RCAN2: variants seen among roughly 807,000 people sequenced by gnomAD.
RCAN2 encodes regulator of calcineurin 2.
Under a neutral mutation model 23.6 loss-of-function variants are expected in RCAN2, and 9 were observed. The observed-to-expected ratio is 0.38, with a 90% CI of 0.23 to 0.67. The LOEUF is 0.67. Among genes scored for constraint, RCAN2 ranks in the 30% least tolerant of loss-of-function variants. The pLI is 0.51. For missense variants in RCAN2, 273 were observed against 302.3 expected, an observed-to-expected ratio of 0.90 and a Z score of 0.72; for synonymous variants, 109 against 115.7, an observed-to-expected ratio of 0.94 and a Z score of 0.37.
chr6:46,420,572 T>C (rs1766858291), intron 2 of RCAN2, among the ~76,000 whole-genome samples: 1 of 150,632 alleles, frequency 6.6e-6, no homozygotes, highest in African/African-American at 2.4e-5. Context: ...TGAGATGGTG[T>C]CTCACTCTGT....
rs541065873 is a variant in RCAN2, at chr6:46,231,279, G to A, written c.572-7978C>T. 7.7e-4 allele frequency among the ~76,000 whole-genome samples: 117 copies of A among 152,224 alleles called. No individual in the cohort carries two copies. In the South Asian group the frequency reaches 0.022, roughly 29 times the overall value. ...AAGCCAAGGAACTACCCAAAGCTACGACAGGCCAGGAACAGATCCTTTCCT... is the reference window on the plus strand; with the variant it reads ...AAGCCAAGGAACTACCCAAAGCTACAACAGGCCAGGAACAGATCCTTTCCT... On this transcript the variant is annotated intron_variant, in intron 4 of 4. Transcript: ENST00000371374.
At chr6:46,403,082 AGCCTCCT>A (rs1766303059) in intron 2 of RCAN2, among the ~76,000 whole-genome samples, 1 of 151,660 alleles carries the variant, frequency 6.6e-6, no homozygotes, top group Non-Finnish European at 1.5e-5. Flanking sequence ...CTCCTGCCTC[AGCCTCCT>A]GAGTAGCTGG....
chr6:46,245,905 G>A (rs1285796359), intron 4 of RCAN2, among the ~76,000 whole-genome samples: 1 of 152,072 alleles, frequency 6.6e-6, no homozygotes, highest in Non-Finnish European at 1.5e-5. Flanking sequence ...GCTGCCACCT[G>A]GTTTCAGCCC....
intron 2 of RCAN2, among the ~76,000 whole-genome samples, chr6:46,361,244 T>A (rs1469184220): frequency 1.3e-5 from 2 of 152,164 alleles, no homozygotes; most frequent in African/African-American, 2.4e-5. Context: ...AGTCTGCATG[T>A]AATGAGACCA....
At chr6:46,454,483 A>G (rs1767965833) in intron 2 of RCAN2, among the ~76,000 whole-genome samples, 2 of 152,194 alleles carry the variant, frequency 1.3e-5, no homozygotes, top group South Asian at 2.1e-4. Context: ...GTCAAAATTA[A>G]ATCCATGTCA....
chr6:46,321,726 A>C lies in RCAN2; in HGVS notation c.226-72830T>G, dbSNP rs142983055. 9.8e-4 allele frequency among the ~76,000 whole-genome samples: 149 copies of C among 152,372 alleles called. 1 individual carries two copies. Among genetic ancestry groups the C allele is most frequent in the African/African-American group, 3.4e-3 (141 of 41,600 alleles). ...TCTGAGAAGGCCCCCCACAGTGGCC[A>C]GCAGTAAAGAAGAGCATTTGCTGTT... On this transcript the variant is annotated intron_variant, in intron 2 of 4. Transcript: ENST00000371374.
chr6:46,404,265 G>GTTTGATCA (rs1335194300), intron 2 of RCAN2, among the ~76,000 whole-genome samples: 1 of 152,008 alleles, frequency 6.6e-6, no homozygotes, highest in Admixed American at 6.6e-5. Flanking sequence ...ATGAGTGCTT[G>GTTTGATCA]TTTGATCATA....
intron 2 of RCAN2, among the ~76,000 whole-genome samples, chr6:46,313,284 C>T (rs1345206231): frequency 6.6e-6 from 1 of 152,170 alleles, no homozygotes; most frequent in Admixed American, 6.5e-5. Flanking sequence ...TCTCTATGTA[C>T]TTATTTACTA....
intron 1 of RCAN2, among the ~76,000 whole-genome samples, chr6:46,458,511 T>C (rs1164206659): frequency 6.6e-6 from 1 of 152,130 alleles, no homozygotes; most frequent in African/African-American, 2.4e-5. Context: ...ATATAAAATA[T>C]AATAAAACAA....
intron 2 of RCAN2, among the ~76,000 whole-genome samples, chr6:46,295,419 G>A (rs1762697198): frequency 6.6e-6 from 1 of 152,126 alleles, no homozygotes. Flanking sequence ...AAGAGAAGAT[G>A]AGAATGGAGA....
chr6:46,352,507 G>A (rs919432058), intron 2 of RCAN2, among the ~76,000 whole-genome samples: 1 of 152,156 alleles, frequency 6.6e-6, no homozygotes, highest in East Asian at 1.9e-4. Flanking sequence ...CCCCTTGGCT[G>A]ATGTACACGA....
At chr6:46,427,323 A>G (rs947285574) in intron 2 of RCAN2, among the ~76,000 whole-genome samples, 1 of 152,212 alleles carries the variant, frequency 6.6e-6, no homozygotes, top group Non-Finnish European at 1.5e-5. Flanking sequence ...TGGGCTTTAG[A>G]AACAGACCTT....
intron 2 of RCAN2, among the ~76,000 whole-genome samples, chr6:46,326,389 T>C (rs957156694): frequency 2.0e-5 from 3 of 152,220 alleles, no homozygotes; most frequent in African/African-American, 7.2e-5. Context: ...GTCTCAGAGC[T>C]TGTCAGATCC....
chr6:46,302,118 T>C (rs371934584), intron 2 of RCAN2, among the ~76,000 whole-genome samples: 2 of 151,684 alleles, frequency 1.3e-5, no homozygotes, highest in Non-Finnish European at 2.9e-5. Flanking sequence ...TGGAGAGAAG[T>C]GGAGTGTGAA....
chr6:46,337,947 T>A (rs1003629807), intron 2 of RCAN2, among the ~76,000 whole-genome samples: 1 of 151,582 alleles, frequency 6.6e-6, no homozygotes, highest in Non-Finnish European at 1.5e-5. Flanking sequence ...ACCCCTAGAG[T>A]GAGGAGTGGT....
chr6:46,269,359 G>A (rs1380395121), intron 2 of RCAN2, among the ~76,000 whole-genome samples: 4 of 152,106 alleles, frequency 2.6e-5, no homozygotes, highest in Admixed American at 6.6e-5. Context: ...GCACAGGGAC[G>A]CTTATTTTGT....
chr6:46,428,886 C>A (rs1458556199), intron 2 of RCAN2, among the ~76,000 whole-genome samples: 1 of 152,174 alleles, frequency 6.6e-6, no homozygotes, highest in Non-Finnish European at 1.5e-5. Flanking sequence ...TCTCTCTATT[C>A]TCTTCTACCA....
intron 2 of RCAN2, among the ~76,000 whole-genome samples, chr6:46,310,488 A>G (rs1451271400): frequency 6.6e-6 from 1 of 151,944 alleles, no homozygotes; most frequent in Non-Finnish European, 1.5e-5. Flanking sequence ...AGAAGCATGC[A>G]GTGTCCCGGC....
intron 2 of RCAN2, among the ~76,000 whole-genome samples, chr6:46,261,979 C>T (rs551429244): frequency 2.6e-5 from 4 of 152,298 alleles, no homozygotes; most frequent in Admixed American, 6.5e-5. Flanking sequence ...TTGAAAACAT[C>T]AGAAGCTCAC....
Sources: allele counts gnomAD v4.1 joint callset (sites outside exome capture counted in the v4.1 genomes callset), GRCh38; gene constraint gnomAD v4.1.1; transcripts MANE v1.5; gene names NCBI Gene and HGNC (gene_info 2026-07-23, HGNC 2026-07-21).